Variants in WT1 observed in about 807,000 individuals in gnomAD.
The protein encoded by WT1 is WT1 transcription factor.
WT1 carries 8 observed loss-of-function variants against 60.8 expected under a neutral mutation model. The ratio of observed to expected loss-of-function variants is 0.13; its 90% CI spans 0.08 to 0.24. The LOEUF is 0.24. Ranked by LOEUF, WT1 falls within the 10% of genes least tolerant of loss-of-function variation. The pLI is 1.00. For synonymous variants in WT1, 312 were observed against 297.1 expected (o/e 1.05, Z -0.52); for missense variants, 568 against 711.8 (o/e 0.80, Z 2.30).
In WT1 at chr11:32,434,945, G is replaced by A; in HGVS notation, c.416C>T (p.Pro139Leu). 3 of 1,579,692 alleles carry A rather than the reference G, an allele frequency of 1.9e-6. No individual in the cohort carries two copies. Among genetic ancestry groups the A allele is most frequent in the Non-Finnish European group, 8.6e-7 (1 of 1,166,418 alleles). Residue 139 changes from proline (P) to leucine (L), a missense_variant, in exon 1 of 10, where the codon CCG (proline) becomes CTG (leucine). Coordinates refer to ENST00000452863, the MANE Select transcript of WT1 (RefSeq NM_024426.6). ...CTGTTTGATGAAGGAGTGAGGCGGC[G>A]GCGGCGGGGGTGGCGGCGGAGCCGG...
chr11:32,409,107 C>G (rs1852415204), intron 5 of WT1, among the ~76,000 whole-genome samples: 1 of 152,184 alleles, frequency 6.6e-6, no homozygotes, highest in Non-Finnish European at 1.5e-5. Context: ...TGAATAGATA[C>G]TGGATTATCC....
rs145414435 is a variant in WT1, at chr11:32,389,341, A to G, written c.1448-162T>C. On this transcript the variant is annotated intron_variant, in intron 9 of 9. Transcript: ENST00000452863. ...AGCTCATTTCCCAGGCAGCCTTGAA[A>G]CAGCAGCACCTCTTGGGGCTTTAAG... Among the ~76,000 whole-genome samples, 294 of 152,326 alleles carry G rather than the reference A, an allele frequency of 1.9e-3. 1 individual carries two copies. Among genetic ancestry groups the G allele is most frequent in the Non-Finnish European group, 2.5e-3 (173 of 68,022 alleles).
At chr11:32,414,798 A>C (rs958219164) in intron 5 of WT1, among the ~76,000 whole-genome samples, 3 of 151,538 alleles carry the variant, frequency 2.0e-5, no homozygotes, top group Non-Finnish European at 4.4e-5. Context: ...ACTTGAACCC[A>C]GGAGGCAGAG....
chr11:32,409,301 G>C (rs550897188), intron 5 of WT1, among the ~76,000 whole-genome samples: 2 of 151,954 alleles, frequency 1.3e-5, no homozygotes, highest in African/African-American at 4.8e-5. Flanking sequence ...TGATCGAAAA[G>C]TCAAAAACTT....
chr11:32,388,060 T>G lies in WT1; in HGVS notation c.*998A>C, dbSNP rs1001941309. 1 of 235,338 alleles carries G rather than the reference T, an allele frequency of 4.2e-6. No individual in the cohort carries two copies. Among genetic ancestry groups the G allele is most frequent in the Non-Finnish European group, 8.3e-6 (1 of 120,360 alleles). The allele number at this position is 235,338 out of a possible 1,614,324, so 14.6% of individuals were successfully genotyped here. ...CACGACCATCTTTAAACAATGGATTTCCTCACCCAGTAAGTCTCATTTTTT... is the reference window on the plus strand; with the variant it reads ...CACGACCATCTTTAAACAATGGATTGCCTCACCCAGTAAGTCTCATTTTTT... On this transcript the variant is annotated 3_prime_UTR_variant, in exon 10 of 10. Coordinates refer to ENST00000452863, the MANE Select transcript of WT1 (RefSeq NM_024426.6).
intron 6 of WT1, among the ~76,000 whole-genome samples, chr11:32,397,482 ATTT>A (rs34861119): frequency 7.2e-6 from 1 of 139,662 alleles, no homozygotes; most frequent in African/African-American, 2.7e-5. Context: ...TGCCCAGCTA[ATTT>A]TTTTTTTTTT....
At chr11:32,404,469 G>T (rs1852252110) in intron 5 of WT1, among the ~76,000 whole-genome samples, 2 of 152,014 alleles carry the variant, frequency 1.3e-5, no homozygotes, top group South Asian at 4.2e-4. Flanking sequence ...TCCAAGTGGG[G>T]AAAAGAACGG....
chr11:32,388,210 C>T lies in WT1; in HGVS notation c.*848G>A, dbSNP rs1338358214. On this transcript the variant is annotated 3_prime_UTR_variant, in exon 10 of 10. Transcript: ENST00000452863. ...CATTTTTACAACTTGAAGCCATATA[C>T]CAGCATGGTTTTTATACACTAAGGA... The T allele has an allele frequency of 1.7e-5, 4 of 233,582 alleles. No individual in the cohort carries two copies. Among genetic ancestry groups the T allele is most frequent in the East Asian group, 6.0e-5 (1 of 16,596 alleles). 14.5% of individuals were successfully genotyped at this position (233,582 alleles called of 1,614,324 possible). A position where few individuals can be genotyped will look rare whatever the true frequency, so the allele number is the denominator to read the frequency against.
At chr11:32,404,217 C>T (rs971568903) in intron 5 of WT1, among the ~76,000 whole-genome samples, 3 of 144,358 alleles carry the variant, frequency 2.1e-5, no homozygotes, top group African/African-American at 2.6e-5. Flanking sequence ...TGCAGTGAGC[C>T]GAGATCGTGC....
intron 3 of WT1, 28 bp downstream of exon 3, chr11:32,427,928 C>A (rs1253157148): frequency 6.3e-7 from 1 of 1,592,268 alleles, no homozygotes; most frequent in Non-Finnish European, 8.6e-7. Flanking sequence ...TCCCAAGGAC[C>A]CAGACGCAGA....
intron 6 of WT1, 33 bp from the exon 7 acceptor site, chr11:32,396,440 T>G (rs1564973174): frequency 1.2e-6 from 2 of 1,611,150 alleles, no homozygotes; most frequent in Non-Finnish European, 1.7e-6. Context: ...AGGGAGGCTT[T>G]AAGCCACATG....
At chr11:32,417,186 C>A (rs1852701497) in intron 4 of WT1, among the ~76,000 whole-genome samples, 1 of 152,164 alleles carries the variant, frequency 6.6e-6, no homozygotes, top group African/African-American at 2.4e-5. Flanking sequence ...ATCAGCATCA[C>A]ACAAATACAA....
chr11:32,394,491 A>G (rs892668609), intron 7 of WT1, among the ~76,000 whole-genome samples: 1 of 152,106 alleles, frequency 6.6e-6, no homozygotes, highest in African/African-American at 2.4e-5. Flanking sequence ...TTTATATCCT[A>G]GCTCCCAAAC....
At chr11:32,405,441 C>T (rs927932976) in intron 5 of WT1, among the ~76,000 whole-genome samples, 1 of 151,012 alleles carries the variant, frequency 6.6e-6, no homozygotes, top group Non-Finnish European at 1.5e-5. Context: ...AAGAGTAAGA[C>T]TCTGTCTGTA....
intron 2 of WT1, 101 bp from the exon 3 acceptor site, chr11:32,428,159 G>A: frequency 8.8e-7 from 1 of 1,136,344 alleles, no homozygotes; most frequent in Non-Finnish European, 1.2e-6. Context: ...CTGAGCCTGG[G>A]GCACTGGGGC....
At chr11:32,424,160 C>CA (rs10690035) in intron 3 of WT1, among the ~76,000 whole-genome samples, 1,690 of 92,066 alleles carry the variant, frequency 0.018, 66 homozygotes, top group African/African-American at 0.047. Flanking sequence ...GATGCCATCT[C>CA]AAAAAAAAAA....
chr11:32,407,841 T>C (rs993969861), intron 5 of WT1, among the ~76,000 whole-genome samples: 3 of 151,418 alleles, frequency 2.0e-5, no homozygotes, highest in African/African-American at 7.3e-5. Flanking sequence ...ACAGTGCCAC[T>C]CATCAATTAC....
chr11:32,432,941 C>A (rs145420350), intron 1 of WT1, among the ~76,000 whole-genome samples: 3 of 152,346 alleles, frequency 2.0e-5, no homozygotes, highest in Non-Finnish European at 4.4e-5. Flanking sequence ...AGCACACATG[C>A]AGACAGTGCT....
chr11:32,405,555 TTATACA>T (rs898882078), intron 5 of WT1, among the ~76,000 whole-genome samples: 1 of 150,314 alleles, frequency 6.7e-6, no homozygotes, highest in African/African-American at 2.4e-5. Flanking sequence ...GAATATATAC[TTATACA>T]TAAATATATA....
Sources: gnomAD v4.1 joint callset for allele counts (sites outside exome capture counted in the v4.1 genomes callset) on GRCh38, gnomAD v4.1.1 for gene constraint, MANE v1.5 for transcripts, NCBI Gene and HGNC (gene_info 2026-07-23, HGNC 2026-07-21) for gene names.